The following BMP6 variants were observed in gnomAD, a reference collection of about 807,000 sequenced individuals.
BMP6 encodes VG-1-R.
A neutral mutation model predicts 54.1 loss-of-function variants in BMP6; 17 were observed. The ratio of observed to expected loss-of-function variants is 0.31; its 90% CI spans 0.22 to 0.47. The LOEUF is 0.47. Ranked by LOEUF, BMP6 falls within the 20% of genes least tolerant of loss-of-function variation. The pLI is 1.00. For synonymous variants in BMP6, 328 were observed against 291.2 expected, an observed-to-expected ratio of 1.13 and a Z score of -1.28; for missense variants, 720 against 690.4, an observed-to-expected ratio of 1.04 and a Z score of -0.48.
At chr6:7,876,790 C>A (rs1374717580) in intron 4 of BMP6, among the ~76,000 whole-genome samples, 1 of 152,084 alleles carries the variant, frequency 6.6e-6, no homozygotes, top group Non-Finnish European at 1.5e-5. Flanking sequence ...CTTTTTACAT[C>A]TACCTGTTCT....
At chr6:7,827,924 A>G (rs1758725153) in intron 1 of BMP6, among the ~76,000 whole-genome samples, 1 of 152,216 alleles carries the variant, frequency 6.6e-6, no homozygotes, top group Non-Finnish European at 1.5e-5. Context: ...CTGCCTGACA[A>G]ATGACAGCGT....
intron 1 of BMP6, among the ~76,000 whole-genome samples, chr6:7,752,555 A>G (rs1263756215): frequency 6.9e-6 from 1 of 145,896 alleles, no homozygotes; most frequent in East Asian, 2.1e-4. Flanking sequence ...GGAGTTCAAC[A>G]TAGGTTTTTT....
intron 1 of BMP6, among the ~76,000 whole-genome samples, chr6:7,742,478 A>T (rs1014602841): frequency 6.6e-6 from 1 of 152,228 alleles, no homozygotes; most frequent in Non-Finnish European, 1.5e-5. Context: ...TTCTGTTTAC[A>T]TAAGGACTGA....
intron 2 of BMP6, among the ~76,000 whole-genome samples, chr6:7,855,714 A>G (rs1234405234): frequency 2.0e-5 from 3 of 151,628 alleles, no homozygotes; most frequent in African/African-American, 7.3e-5. Flanking sequence ...TTTTTTGTAG[A>G]GGCAGGGTTT....
At chr6:7,837,895 CTA>C (rs1252927057) in intron 1 of BMP6, among the ~76,000 whole-genome samples, 1 of 152,132 alleles carries the variant, frequency 6.6e-6, no homozygotes, top group Non-Finnish European at 1.5e-5. Context: ...TTCAATATTT[CTA>C]TGTTTAAAGG....
At chr6:7,743,318 G>T (rs772440480) in intron 1 of BMP6, among the ~76,000 whole-genome samples, 1 of 152,194 alleles carries the variant, frequency 6.6e-6, no homozygotes, top group Non-Finnish European at 1.5e-5. Context: ...GCATTATTCA[G>T]GGTTGACAAG....
intron 4 of BMP6, among the ~76,000 whole-genome samples, chr6:7,867,947 A>C (rs1759452523): frequency 6.6e-6 from 1 of 152,218 alleles, no homozygotes; most frequent in African/African-American, 2.4e-5. Context: ...AAAAGGCAAT[A>C]AGAAGAAGCT....
rs1038420741 is a variant in BMP6 at position 7,836,962 on chromosome 6, A to G, written c.665-8178A>G. Among the ~76,000 whole-genome samples the G allele has an allele frequency of 2.6e-5, 4 of 152,242 alleles. No homozygotes were observed. The East Asian group carries it at 7.7e-4, about 29-fold the overall frequency. ...CATAGAATGAAAAATTGCTTACATT[A>G]GTCAATGGAATGACCATGTTTCAAA... On this transcript the variant is annotated intron_variant, in intron 1 of 6. Transcript: ENST00000283147.
rs913630431 is a variant in BMP6 at position 7,783,369 on chromosome 6, A to C, written c.664+55750A>C. The stretch of plus-strand genomic sequence containing the variant: ...GGAGCAGTTGCTGTTCCTGTCCTCT[A>C]TGACGCTGTATATTTTTATTGGGTC... On this transcript the variant is annotated intron_variant, in intron 1 of 6. Transcript: ENST00000283147. 2.6e-5 allele frequency among the ~76,000 whole-genome samples: 4 copies of C among 152,232 alleles called. No individual in the cohort carries two copies. In the East Asian group the frequency reaches 7.7e-4, roughly 29 times the overall value.
rs756453354 is a variant in BMP6, at chr6:7,862,345, G to A, written c.1051G>A (p.Gly351Ser). The A allele has an allele frequency of 3.7e-5, 59 of 1,614,192 alleles. No homozygotes were observed. In the East Asian group the frequency reaches 7.6e-4, roughly 21 times the overall value. ...PRAAGLVGRD[G>S]PYDKQPFMVA... ...AGCCGCAGGCCTGGTGGGCAGAGAC[G>A]GCCCTTACGACAAGCAGCCCTTCAT... Residue 351 changes from glycine to serine, a missense_variant, in exon 4 of 7, where the codon GGC becomes AGC. By Grantham distance (56) the Gly-to-Ser change is moderately conservative (BLOSUM62 0). Coordinates refer to ENST00000283147, the MANE Select transcript of BMP6 (RefSeq NM_001718.6).
At chr6:7,828,304 A>G (rs1305096507) in intron 1 of BMP6, among the ~76,000 whole-genome samples, 1 of 152,222 alleles carries the variant, frequency 6.6e-6, no homozygotes, top group Non-Finnish European at 1.5e-5. Context: ...GTGTTTTTGC[A>G]AGGACGTGGG....
intron 1 of BMP6, among the ~76,000 whole-genome samples, chr6:7,754,288 G>A (rs867828649): frequency 2.6e-5 from 4 of 151,740 alleles, no homozygotes; most frequent in African/African-American, 9.7e-5. Context: ...TAATTTTTGT[G>A]TCTTTGGAAA....
At chr6:7,745,372 C>T (rs1275549935) in intron 1 of BMP6, among the ~76,000 whole-genome samples, 2 of 152,184 alleles carry the variant, frequency 1.3e-5, no homozygotes, top group African/African-American at 2.4e-5. Context: ...CTCCTGGGCT[C>T]AAGCGATCCT....
intron 1 of BMP6, among the ~76,000 whole-genome samples, chr6:7,730,396 A>G (rs1761831715): frequency 6.6e-6 from 1 of 152,230 alleles, no homozygotes; most frequent in Non-Finnish European, 1.5e-5. Context: ...CAGAACTGAA[A>G]GAGAATTCTA....
chr6:7,776,948 C>G (rs1757870326), intron 1 of BMP6, among the ~76,000 whole-genome samples: 1 of 152,244 alleles, frequency 6.6e-6, no homozygotes, highest in Admixed American at 6.5e-5. Context: ...ACTGCTCAGT[C>G]TGGCTACAAC....
intron 2 of BMP6, among the ~76,000 whole-genome samples, chr6:7,855,745 T>C (rs968165846): frequency 4.6e-5 from 7 of 151,590 alleles, no homozygotes; most frequent in African/African-American, 1.7e-4. Flanking sequence ...CCCAGTCTGG[T>C]CTCGAACCCC....
Position 7,726,875 on chromosome 6 carries a change from G to C in BMP6, c.-81G>C, listed in dbSNP as rs1761734333. On this transcript the variant is annotated 5_prime_UTR_variant, in exon 1 of 7. Coordinates refer to ENST00000283147, the MANE Select transcript of BMP6 (RefSeq NM_001718.6). ...AGGTGGCGGGGACTGCTCACGCCAA[G>C]GGCCACAGCGGCCGCGCTCCGGCCT... 1 of 917,838 alleles carries C rather than the reference G, an allele frequency of 1.1e-6. No individual in the cohort carries two copies. 56.9% of individuals were successfully genotyped at this position (917,838 alleles called of 1,614,324 possible). A position where few individuals can be genotyped will look rare whatever the true frequency, so the allele number is the denominator to read the frequency against.
At chr6:7,764,170 G>C (rs1486138881) in intron 1 of BMP6, among the ~76,000 whole-genome samples, 1 of 152,206 alleles carries the variant, frequency 6.6e-6, no homozygotes, top group Non-Finnish European at 1.5e-5. Context: ...GTTTTCAGCT[G>C]AGGCTGTTGG....
chr6:7,878,777 C>T (rs1759663302), intron 4 of BMP6, among the ~76,000 whole-genome samples: 1 of 152,366 alleles, frequency 6.6e-6, no homozygotes, highest in African/African-American at 2.4e-5. Flanking sequence ...GCAAGTCGGC[C>T]CACGCCTCCA....
Sources: allele counts gnomAD v4.1 joint callset (sites outside exome capture counted in the v4.1 genomes callset), GRCh38; gene constraint gnomAD v4.1.1; transcripts MANE v1.5; gene names NCBI Gene and HGNC (gene_info 2026-07-23, HGNC 2026-07-21).